HSD17B4: variants seen among roughly 807,000 people sequenced by gnomAD.
The protein encoded by HSD17B4 is peroxisomal multifunctional enzyme type 2.
A neutral mutation model predicts 101.0 loss-of-function variants in HSD17B4; 70 were observed. That is an observed-to-expected ratio of 0.69 (90% confidence interval 0.57 to 0.85). The LOEUF (loss-of-function observed/expected upper bound fraction) is 0.85. HSD17B4 is among the 40% of genes least tolerant of loss of function. HSD17B4 has a pLI of 0.00. For missense variants in HSD17B4, 984 were observed against 892.4 expected (o/e 1.10, Z -1.31); for synonymous variants, 347 against 297.1 (o/e 1.17, Z -1.73).
At position 119,452,756 on chromosome 5, in the gene HSD17B4, G is replaced by C. The variant is rs762157656; in HGVS notation, c.58+123G>C. On this transcript the variant is annotated intron_variant, in intron 1 of 23. Coordinates refer to ENST00000510025, the MANE Select transcript of HSD17B4 (RefSeq NM_000414.4). ...CCGCTGAGGTGGTGGGGAGGGGAAT[G>C]GTTATTCTTGAGGCACCGCATCTCT... is the stretch of plus-strand genomic sequence containing the variant. 37 of 1,582,734 alleles carry C rather than the reference G, an allele frequency of 2.3e-5. No individual in the cohort carries two copies. The highest frequency in any genetic ancestry group is 4.0e-5 in the African/African-American group (3 of 74,558).
chr5:119,484,063 CTG>C (rs1749387735), intron 8 of HSD17B4, among the ~76,000 whole-genome samples: 2 of 152,134 alleles, frequency 1.3e-5, no homozygotes, highest in South Asian at 4.2e-4. Flanking sequence ...AAAAGTCAAG[CTG>C]GACAGGGTGG....
chr5:119,485,409 A>G (rs1019500878), intron 8 of HSD17B4, among the ~76,000 whole-genome samples: 11 of 152,324 alleles, frequency 7.2e-5, no homozygotes, highest in African/African-American at 2.4e-4. Flanking sequence ...AGTCTACTTT[A>G]GACAAATGAC....
intron 16 of HSD17B4, among the ~76,000 whole-genome samples, chr5:119,514,692 G>A (rs1327389189): frequency 2.0e-5 from 3 of 152,102 alleles, no homozygotes; most frequent in Admixed American, 2.0e-4. Flanking sequence ...CTTTTACATA[G>A]GGAGTAACTG....
chr5:119,514,957 T>TAACATGTAA lies in HSD17B4; in HGVS notation c.1438-23_1438-15dup, dbSNP rs766852015. 2.3e-6 allele frequency: 3 copies of TAACATGTAA among 1,310,622 alleles called. No individual in the cohort carries two copies. The South Asian group carries it at 3.5e-5, about 15-fold the overall frequency. The allele number at this position is 1,310,622 out of a possible 1,614,324, so 81.2% of individuals were successfully genotyped here. On this transcript the variant is annotated intron_variant, in intron 16 of 23. Transcript: ENST00000510025. ...ATAATGATAATTTGTATTTAAGATT[T>TAACATGTAA]AACATGTAATGTCTTAATTTTAGGT...
In HSD17B4 at chr5:119,536,577, C is replaced by A. The variant is rs768922538; in HGVS notation, c.2121+27C>A. On this transcript the variant is annotated intron_variant, in intron 23 of 23. Transcript: ENST00000510025. ...TAATGTTCTCAAATGTTCATTTATTCATTGTTTTATTGTTTCCTCTTTTGA... is the reference window on the plus strand; with the variant it reads ...TAATGTTCTCAAATGTTCATTTATTAATTGTTTTATTGTTTCCTCTTTTGA... The A allele has an allele frequency of 4.4e-6, 7 of 1,607,652 alleles. No homozygotes were observed. The South Asian group carries it at 4.4e-5, about 10-fold the overall frequency.
intron 14 of HSD17B4, 32 bp downstream of exon 14, chr5:119,502,124 CA>C (rs1751226076): frequency 1.5e-6 from 2 of 1,351,670 alleles, no homozygotes; most frequent in Non-Finnish European, 1.1e-6. Context: ...TCCATAATAC[CA>C]TACTTTTATT....
intron 14 of HSD17B4, among the ~76,000 whole-genome samples, chr5:119,504,316 C>G (rs1480386665): frequency 6.6e-6 from 1 of 152,166 alleles, no homozygotes; most frequent in African/African-American, 2.4e-5. Flanking sequence ...ATTGCTGGGT[C>G]AAATGGTAGT....
At chr5:119,489,076 A>G (rs2126739551) in intron 8 of HSD17B4, 116 bp from the exon 9 acceptor site, 3 of 727,160 alleles carry the variant, frequency 4.1e-6, no homozygotes, top group South Asian at 1.5e-5. Flanking sequence ...GACTAGTTAT[A>G]TACATACTAA....
intron 1 of HSD17B4, among the ~76,000 whole-genome samples, chr5:119,454,453 G>A (rs1754392443): frequency 1.3e-5 from 2 of 151,822 alleles, no homozygotes; most frequent in South Asian, 4.1e-4. Flanking sequence ...CTGTAGGCAT[G>A]TGCCACCACG....
rs751088170 is a variant in HSD17B4, at chr5:119,478,805, T to G, written c.435-29T>G. 1.7e-5 allele frequency: 27 copies of G among 1,572,510 alleles called. No homozygotes were observed. In the South Asian group the frequency reaches 2.8e-4, roughly 16 times the overall value. On this transcript the variant is annotated intron_variant, in intron 7 of 23. Transcript: ENST00000510025. ...CAATGTTATCAAATTATGGAAAAGATGATATTGAGAGATTGATTTTCTTTT... is the reference window on the plus strand; with the variant it reads ...CAATGTTATCAAATTATGGAAAAGAGGATATTGAGAGATTGATTTTCTTTT...
chr5:119,466,634 T>C (rs1755837536), intron 2 of HSD17B4, among the ~76,000 whole-genome samples: 1 of 152,132 alleles, frequency 6.6e-6, no homozygotes, highest in Non-Finnish European at 1.5e-5. Context: ...GTGGTATCAG[T>C]TGTAAATGCC....
intron 22 of HSD17B4, 21 bp downstream of exon 22, chr5:119,531,425 T>G: frequency 6.2e-7 from 1 of 1,602,530 alleles, no homozygotes; most frequent in East Asian, 2.2e-5. Context: ...GCCCTGATTT[T>G]ATAATATTCT....
chr5:119,506,838 G>C lies in HSD17B4; in HGVS notation c.1282G>C (p.Val428Leu). Residue 428 changes from valine to leucine, a missense_variant, in exon 15 of 24, where the codon GTT (valine) becomes CTT (leucine). Coordinates refer to ENST00000510025, the MANE Select transcript of HSD17B4 (RefSeq NM_000414.4). ...PRAGKLKCEAVVADVLDKGSG... is the reference protein window; with the variant it reads ...PRAGKLKCEALVADVLDKGSG... ...TCTAGGAAAATTAAAATGTGAAGCA[G>C]TTGTTGCTGATGTCCTAGATAAAGG... 1 of 1,586,558 alleles carries C rather than the reference G, an allele frequency of 6.3e-7. No homozygotes were observed. Among genetic ancestry groups the C allele is most frequent in the Non-Finnish European group, 8.7e-7 (1 of 1,155,928 alleles).
At position 119,473,273 on chromosome 5, in the gene HSD17B4, CTTTTTTTTTTT is replaced by C. The variant is rs11408993; in HGVS notation, c.113-622_113-612del. ...TTCTTTTGCTGAAAAGTGGATGAAT[CTTTTTTTTTTT>C]TTTTTTTTTTTTACTTTTCTTCCCT... On this transcript the variant is annotated intron_variant, in intron 2 of 23. Transcript: ENST00000510025. Among the ~76,000 whole-genome samples the C allele has an allele frequency of 1.7e-3, 63 of 36,966 alleles. 1 individual carries two copies. In the East Asian group the frequency reaches 0.067, roughly 39 times the overall value. The allele number at this position is 36,966 out of a possible 152,430, so 24.3% of individuals were successfully genotyped here.
chr5:119,508,370 C>A (rs1217771116), intron 15 of HSD17B4, among the ~76,000 whole-genome samples: 2 of 152,114 alleles, frequency 1.3e-5, no homozygotes, highest in Non-Finnish European at 2.9e-5. Flanking sequence ...TATTCAGTTG[C>A]CTATGTGATA....
chr5:119,518,359 A>G (rs1752827663), intron 17 of HSD17B4, among the ~76,000 whole-genome samples: 1 of 152,114 alleles, frequency 6.6e-6, no homozygotes, highest in Non-Finnish European at 1.5e-5. Flanking sequence ...AGAAGGAACA[A>G]ACTCCAGACG....
intron 12 of HSD17B4, among the ~76,000 whole-genome samples, chr5:119,498,812 A>C (rs1396580598): frequency 6.6e-6 from 1 of 152,204 alleles, no homozygotes; most frequent in East Asian, 1.9e-4. Flanking sequence ...CCTGAGAGGC[A>C]GAGGTTGCAG....
At chr5:119,525,500 C>T (rs567594563) in intron 18 of HSD17B4, among the ~76,000 whole-genome samples, 13 of 152,150 alleles carry the variant, frequency 8.5e-5, no homozygotes, top group African/African-American at 3.1e-4. Flanking sequence ...GGGAAGTTCC[C>T]GCTAGTGCGA....
chr5:119,477,356 T>A, intron 6 of HSD17B4, 61 bp from the exon 7 acceptor site: 1 of 1,134,258 alleles, frequency 8.8e-7, no homozygotes, highest in Admixed American at 1.9e-5. Flanking sequence ...TTGCTTATGT[T>A]GATTCTTAGA....
Sources: allele counts gnomAD v4.1 joint callset (sites outside exome capture counted in the v4.1 genomes callset), GRCh38; gene constraint gnomAD v4.1.1; transcripts MANE v1.5; gene names NCBI Gene and HGNC (gene_info 2026-07-23, HGNC 2026-07-21).